LGSN: variants seen among roughly 807,000 people sequenced by gnomAD.
LGSN encodes the protein lengsin.
In LGSN, 21 loss-of-function variants were observed where a neutral mutation model predicts 19.5. The ratio of observed to expected loss-of-function variants is 1.07; its 90% confidence interval spans 0.76 to 1.55. The LOEUF (loss-of-function observed/expected upper bound fraction) is 1.55. Ranked by LOEUF, LGSN falls within the 40% of genes most tolerant of loss-of-function variation. The pLI, the probability that LGSN is intolerant of heterozygous loss-of-function variation, is 0.00. For synonymous variants in LGSN, 257 were observed against 215.6 expected (o/e 1.19, Z -1.68); for missense variants, 673 against 608.5 (o/e 1.11, Z -1.12).
chr6:63,339,788 G>A, the LGSN span, among the ~76,000 whole-genome samples: 1 of 151,840 alleles, frequency 6.6e-6, no homozygotes, highest in Non-Finnish European at 1.5e-5. Flanking sequence ...TTATGATTTG[G>A]TGGTTTTCTG....
chr6:63,570,660 T>C, the LGSN span, among the ~76,000 whole-genome samples: 2 of 152,252 alleles, frequency 1.3e-5, no homozygotes, highest in Admixed American at 6.5e-5. Context: ...ACCAAATGTA[T>C]TTTTTGAAAT....
chr6:63,444,502 T>C, the LGSN span, among the ~76,000 whole-genome samples: 1 of 152,334 alleles, frequency 6.6e-6, no homozygotes, highest in South Asian at 2.1e-4. Context: ...ATTCTGTTTA[T>C]TCAAAGTAGT....
chr6:63,398,392 G>T, the LGSN span, among the ~76,000 whole-genome samples: 1 of 151,838 alleles, frequency 6.6e-6, no homozygotes, highest in Non-Finnish European at 1.5e-5. Flanking sequence ...CTCTGACCCT[G>T]TGTAGGCTTA....
the LGSN span, among the ~76,000 whole-genome samples, chr6:63,545,430 T>C: frequency 1.3e-5 from 2 of 151,710 alleles, no homozygotes; most frequent in Non-Finnish European, 2.9e-5. Context: ...GCCAACAGGG[T>C]GAAAGCTTGT....
rs1767110362 is a variant in LGSN, at chr6:63,276,545, C to G, written c.*3476G>C. ...ATTATAGTAAATGAAAATAAGAAAG[C>G]AATTTTTGTAAAGCTATTTATAAGG... On this transcript the variant is annotated 3_prime_UTR_variant, in exon 4 of 4. Coordinates refer to ENST00000370657, the MANE Select transcript of LGSN (RefSeq NM_016571.3). 6.6e-6 allele frequency: 1 copy of G among 152,034 alleles called. No individual in the cohort carries two copies. The highest frequency in any genetic ancestry group is 1.5e-5 in the Non-Finnish European group (1 of 67,986). The allele number at this position is 152,034 out of a possible 1,614,324, so 9.4% of individuals were successfully genotyped here. A position where few individuals can be genotyped will look rare whatever the true frequency, so the allele number is the denominator to read the frequency against.
At chr6:63,302,478 G>T (rs1232003464) in intron 1 of LGSN, among the ~76,000 whole-genome samples, 1 of 152,204 alleles carries the variant, frequency 6.6e-6, no homozygotes, top group Non-Finnish European at 1.5e-5. Flanking sequence ...ACTCTAGAAT[G>T]ATATACATTT....
At chr6:63,365,458 C>T in the LGSN span, among the ~76,000 whole-genome samples, 1 of 151,796 alleles carries the variant, frequency 6.6e-6, no homozygotes. Context: ...GCCTACCAAC[C>T]AAAAAAAGTC....
chr6:63,373,789 G>A, the LGSN span, among the ~76,000 whole-genome samples: 1 of 152,010 alleles, frequency 6.6e-6, no homozygotes, highest in Admixed American at 6.6e-5. Flanking sequence ...CCTGGCCAAT[G>A]TGGCGAAACC....
the LGSN span, among the ~76,000 whole-genome samples, chr6:63,438,451 C>T: frequency 5.3e-3 from 806 of 152,254 alleles, 11 homozygotes; most frequent in African/African-American, 0.019. Flanking sequence ...TTGCAACCTA[C>T]TCATCTGACT....
chr6:63,405,735 T>C, the LGSN span, among the ~76,000 whole-genome samples: 18 of 152,140 alleles, frequency 1.2e-4, no homozygotes, highest in East Asian at 7.7e-4. Context: ...GACTGGCAAA[T>C]TGGATAAAGA....
chr6:63,571,611 A>G, the LGSN span: 1 of 152,246 alleles, frequency 6.6e-6, no homozygotes, highest in Non-Finnish European at 1.5e-5. Context: ...CTTAATTTCT[A>G]AAAACGCTTT....
At chr6:63,382,524 C>A in the LGSN span, among the ~76,000 whole-genome samples, 1 of 152,184 alleles carries the variant, frequency 6.6e-6, no homozygotes, top group African/African-American at 2.4e-5. Context: ...TGAGATGACA[C>A]AGAAGCATGT....
At chr6:63,552,189 T>G in the LGSN span, among the ~76,000 whole-genome samples, 1 of 152,182 alleles carries the variant, frequency 6.6e-6, no homozygotes, top group Non-Finnish European at 1.5e-5. Context: ...TTTCTCCACA[T>G]CCTCTCCAGC....
At chr6:63,350,342 T>G in the LGSN span, among the ~76,000 whole-genome samples, 1 of 152,254 alleles carries the variant, frequency 6.6e-6, no homozygotes, top group Non-Finnish European at 1.5e-5. Flanking sequence ...TATTAAAATA[T>G]ACAAAGGACT....
chr6:63,364,181 C>A, the LGSN span, among the ~76,000 whole-genome samples: 1 of 151,986 alleles, frequency 6.6e-6, no homozygotes. Context: ...ATTCAGGAGA[C>A]CCATCTCACA....
chr6:63,493,125 T>C, the LGSN span, among the ~76,000 whole-genome samples: 1 of 152,348 alleles, frequency 6.6e-6, no homozygotes, highest in East Asian at 1.9e-4. Context: ...ATATATTTTG[T>C]CACCCCATTA....
the LGSN span, among the ~76,000 whole-genome samples, chr6:63,521,085 G>A: frequency 1.3e-5 from 2 of 152,050 alleles, no homozygotes; most frequent in Non-Finnish European, 2.9e-5. Context: ...GCCTGTCACG[G>A]GGTGGGGGAA....
At chr6:63,534,777 T>C in the LGSN span, among the ~76,000 whole-genome samples, 2 of 147,504 alleles carry the variant, frequency 1.4e-5, no homozygotes, top group African/African-American at 5.4e-5. Context: ...GTAAAATTTC[T>C]TTACTAAAGA....
At chr6:63,458,403 G>T in the LGSN span, among the ~76,000 whole-genome samples, 2 of 152,070 alleles carry the variant, frequency 1.3e-5, no homozygotes, top group Non-Finnish European at 2.9e-5. Flanking sequence ...ATATATTAGC[G>T]TTGGAAACAA....
Sources: allele counts gnomAD v4.1 joint callset (sites outside exome capture counted in the v4.1 genomes callset), GRCh38; gene constraint gnomAD v4.1.1; transcripts MANE v1.5; gene names NCBI Gene and HGNC (gene_info 2026-07-23, HGNC 2026-07-21).